The following UPF1 variants were observed in gnomAD, a reference collection of about 807,000 sequenced individuals.
UPF1 encodes UPF1 RNA helicase and ATPase.
Under a neutral mutation model 129.2 loss-of-function variants are expected in UPF1, and 9 were observed. The ratio of observed to expected loss-of-function variants is 0.07; its 90% CI spans 0.04 to 0.12. UPF1 has a LOEUF of 0.12. Ranked by LOEUF, UPF1 falls within the 10% of genes least tolerant of loss-of-function variation. The probability of loss-of-function intolerance (pLI) is 1.00; values close to 1 mark genes in which losing one functional copy is unlikely to be tolerated. For missense variants in UPF1, 788 were observed against 1,525.3 expected (o/e 0.52, Z 8.05); for synonymous variants, 649 against 644.9 (o/e 1.01, Z -0.10).
At chr19:18,855,897 G>A in intron 11 of UPF1, 28 bp from the exon 12 acceptor site, 1 of 1,611,262 alleles carries the variant, frequency 6.2e-7, no homozygotes, top group Non-Finnish European at 8.5e-7. Flanking sequence ...CTCTGGGTAA[G>A]CACTGAGCTG....
At position 18,855,678 on chromosome 19, in the gene UPF1, T is replaced by C. The variant is rs1022769608; in HGVS notation, c.1545-247T>C. On this transcript the variant is annotated intron_variant, in intron 11 of 23. Transcript: ENST00000262803. Reference sequence around the variant, plus strand: ...CAGCCTGAACAGGGTGAGACGTCTCTACAAAAAAAAAATTCAGAAATTAGC... The same window carrying C: ...CAGCCTGAACAGGGTGAGACGTCTCCACAAAAAAAAAATTCAGAAATTAGC... The C allele has an allele frequency of 7.1e-6, 4 of 561,926 alleles. No individual in the cohort carries two copies. The African/African-American group carries it at 7.6e-5, about 11-fold the overall frequency. The allele number at this position is 561,926 out of a possible 1,614,324, so 34.8% of individuals were successfully genotyped here.
chr19:18,852,003 C>A (rs2055663567), intron 5 of UPF1, 132 bp from the exon 6 acceptor site: 1 of 1,339,716 alleles, frequency 7.5e-7, no homozygotes, highest in African/African-American at 1.5e-5. Context: ...GCCAGAACCC[C>A]TCCATGCCAC....
At position 18,832,843 on chromosome 19, in the gene UPF1, T is replaced by C. The variant is rs535818698; in HGVS notation, c.231+403T>C. Among the ~76,000 whole-genome samples, 4 of 152,292 alleles carry C rather than the reference T, an allele frequency of 2.6e-5. No individual in the cohort carries two copies. In the East Asian group the frequency reaches 5.8e-4, roughly 22 times the overall value. On this transcript the variant is annotated intron_variant, in intron 1 of 23. Transcript: ENST00000262803. The surrounding 1 kb of genome is among the most constrained non-coding windows in gnomAD (Gnocchi z 5.6). ...CTTGTGTCCCACAATCAGTCTGGCC[T>C]GGAGTAACCTGCCCCCTGACTTATC...
At position 18,852,126 on chromosome 19, in the gene UPF1, G is replaced by A. The variant is rs774604366; in HGVS notation, c.811-9G>A. ...AGGACGAGTGTGGCGCGGTGTTGTT[G>A]TCTTCTAGGAAAACCCTTCTGCCAC... On this transcript the variant is annotated splice_polypyrimidine_tract_variant and intron_variant, in intron 5 of 23. Coordinates refer to ENST00000262803, the MANE Select transcript of UPF1 (RefSeq NM_002911.4). 6.3e-7 allele frequency: 1 copy of A among 1,599,150 alleles called. No individual in the cohort carries two copies. Among genetic ancestry groups the A allele is most frequent in the Non-Finnish European group, 8.5e-7 (1 of 1,173,016 alleles).
chr19:18,853,087 T>C lies in UPF1; in HGVS notation c.1057+16T>C. Reference sequence around the variant, plus strand: ...ACTGACTCTGGTAATGAGGATTTAGTCATAATTTGGTTAAGAGGTGATTTT... The same window carrying C: ...ACTGACTCTGGTAATGAGGATTTAGCCATAATTTGGTTAAGAGGTGATTTT... On this transcript the variant is annotated intron_variant, in intron 7 of 23. Transcript: ENST00000262803. This position sits in a 1 kb window ranked among gnomAD's most constrained non-coding sequence, Gnocchi z 4.4. The C allele has an allele frequency of 6.2e-7, 1 of 1,613,732 alleles. No individual in the cohort carries two copies. The highest frequency in any genetic ancestry group is 8.5e-7 in the Non-Finnish European group (1 of 1,179,864).
intron 6 of UPF1, among the ~76,000 whole-genome samples, chr19:18,852,635 CTCCCTCCCTCCCCTCCTCTTTCTG>C (rs1445201080): frequency 9.7e-4 from 144 of 149,070 alleles, no homozygotes; most frequent in African/African-American, 2.5e-3. Context: ...CTGACCTCCC[CTCCCTCCCTCCCCTCCTCTTTCTG>C]TCCCTCCCTC....
intron 1 of UPF1, 117 bp from the exon 2 acceptor site, chr19:18,845,863 A>G (rs917691271): frequency 5.4e-5 from 76 of 1,412,336 alleles, no homozygotes; most frequent in East Asian, 1.2e-4. Context: ...AACAAGGGAA[A>G]CTGTCTCAAA....
At chr19:18,844,220 G>A (rs763132878) in intron 1 of UPF1, among the ~76,000 whole-genome samples, 2 of 146,910 alleles carry the variant, frequency 1.4e-5, no homozygotes, top group South Asian at 2.3e-4. Flanking sequence ...GTATGACTAG[G>A]AAGTGGGAAT....
chr19:18,862,048 C>T lies in UPF1; in HGVS notation c.2496C>T (p.Arg832=), dbSNP rs780642959. The T allele has an allele frequency of 1.3e-5, 21 of 1,613,880 alleles. No homozygotes were observed. The highest frequency in any genetic ancestry group is 1.6e-5 in the Non-Finnish European group (19 of 1,180,026). Residue 832 remains arginine, a synonymous_variant, in exon 18 of 24, where the codon CGC becomes CGT. Coordinates refer to ENST00000262803, the MANE Select transcript of UPF1 (RefSeq NM_002911.4). ...EIASVDAFQG[R]EKDFIILSCV... The stretch of plus-strand genomic sequence containing the variant: ...CCAGTGTGGACGCCTTTCAGGGACG[C>T]GAGAAGGACTTCATCATCCTGTCCT...
At chr19:18,837,866 A>G (rs372860196) in intron 1 of UPF1, among the ~76,000 whole-genome samples, 1 of 152,228 alleles carries the variant, frequency 6.6e-6, no homozygotes, top group Non-Finnish European at 1.5e-5. Flanking sequence ...TAGGAAAAAC[A>G]TGCTGTCTTT....
intron 1 of UPF1, chr19:18,833,335 A>G (rs2055449202): frequency 6.6e-6 from 1 of 152,234 alleles, no homozygotes; most frequent in South Asian, 2.1e-4. Context: ...GACCTGTTAC[A>G]TAACTTCACA....
At chr19:18,834,145 T>C (rs1243041092) in intron 1 of UPF1, among the ~76,000 whole-genome samples, 1 of 152,172 alleles carries the variant, frequency 6.6e-6, no homozygotes, top group East Asian at 1.9e-4. Context: ...GTTAGATTTT[T>C]ATTCCTTTTA....
chr19:18,835,365 A>G (rs2145929295), intron 1 of UPF1, among the ~76,000 whole-genome samples: 1 of 151,366 alleles, frequency 6.6e-6, no homozygotes. Flanking sequence ...TTTTTGAGAC[A>G]GAGTCTCGCT....
chr19:18,855,072 C>T (rs2055701752), intron 10 of UPF1, 34 bp downstream of exon 10: 1 of 1,613,020 alleles, frequency 6.2e-7, no homozygotes, highest in Non-Finnish European at 8.5e-7. Flanking sequence ...GGGCCTCGCC[C>T]ATGGGCCGGG....
chr19:18,860,140 C>T (rs948034947), intron 15 of UPF1, 181 bp from the exon 16 acceptor site: 4 of 647,774 alleles, frequency 6.2e-6, no homozygotes, highest in Non-Finnish European at 1.1e-5. Flanking sequence ...CAGCCTTGCC[C>T]AATCCTGGGC....
At position 18,863,545 on chromosome 19, in the gene UPF1, T is replaced by C; in HGVS notation, c.2708T>C (p.Leu903Pro). Residue 903 changes from leucine (L) to proline (P), a missense_variant, in exon 19 of 24, where the codon CTC becomes CCC. Physicochemically the swap from Leu to Pro is moderately conservative, Grantham distance 98. This residue lies in a region of UPF1 where 218 missense variants were observed against 318.1 expected (regional missense o/e 0.69). Coordinates refer to ENST00000262803, the MANE Select transcript of UPF1 (RefSeq NM_002911.4). The part of the protein sequence containing the change: ...KEQKVLVEGP[L>P]NNLRESLMQF... ...CAGAAGGTGCTGGTGGAGGGGCCGC[T>C]CAACAACCTGCGTGAGAGCCTCATG... 6.2e-7 allele frequency: 1 copy of C among 1,613,808 alleles called. No individual in the cohort carries two copies.
At chr19:18,835,653 T>C (rs2055476276) in intron 1 of UPF1, among the ~76,000 whole-genome samples, 1 of 152,220 alleles carries the variant, frequency 6.6e-6, no homozygotes, top group South Asian at 2.1e-4. Context: ...ATTTCATTCC[T>C]TTTTAAGGCT....
Position 18,853,983 on chromosome 19 carries a change from G to A in UPF1, c.1157-618G>A, listed in dbSNP as rs1380446786. Among the ~76,000 whole-genome samples, 1 of 152,172 alleles carries A rather than the reference G, an allele frequency of 6.6e-6. No homozygotes were observed. The highest frequency in any genetic ancestry group is 1.5e-5 in the Non-Finnish European group (1 of 68,032). On this transcript the variant is annotated intron_variant, in intron 8 of 23. Coordinates refer to ENST00000262803, the MANE Select transcript of UPF1 (RefSeq NM_002911.4). This position sits in a 1 kb window ranked among gnomAD's most constrained non-coding sequence, Gnocchi z 4.4. ...GGTGGCCTCCACAGGGGTAGGGAGA[G>A]TTGTCTCCCACACCCACCCTGGGCC... is the stretch of plus-strand genomic sequence containing the variant.
chr19:18,835,139 T>C lies in UPF1; in HGVS notation c.231+2699T>C, dbSNP rs543074566. On this transcript the variant is annotated intron_variant, in intron 1 of 23. Coordinates refer to ENST00000262803, the MANE Select transcript of UPF1 (RefSeq NM_002911.4). ...CAGCCCCTGGCAACCACTCACCTGCTTTCTGTCTCAAGATGTGCCTGTTCT... is the reference window on the plus strand; with the variant it reads ...CAGCCCCTGGCAACCACTCACCTGCCTTCTGTCTCAAGATGTGCCTGTTCT... Among the ~76,000 whole-genome samples the C allele has an allele frequency of 5.8e-4, 89 of 152,286 alleles. No individual in the cohort carries two copies. The Middle Eastern group carries it at 0.01, about 17-fold the overall frequency.
Sources: gnomAD v4.1 joint callset for allele counts (sites outside exome capture counted in the v4.1 genomes callset) on GRCh38, gnomAD v4.1.1 for gene constraint, gnomAD v4.1.1 regional missense constraint, Gnocchi (gnomAD v3.1) non-coding constraint, MANE v1.5 for transcripts, NCBI Gene and HGNC (gene_info 2026-07-23, HGNC 2026-07-21) for gene names.